The following ADGRL3 variants were observed in gnomAD, a reference collection of about 807,000 sequenced individuals.
The protein encoded by ADGRL3 is calcium-independent alpha-latrotoxin receptor 3.
ADGRL3 carries 62 observed loss-of-function variants against 153.5 expected under a neutral mutation model. The observed-to-expected ratio is 0.40, with a 90% CI of 0.33 to 0.50. The LOEUF (loss-of-function observed/expected upper bound fraction) is 0.50. Among genes scored for constraint, ADGRL3 ranks in the 20% least tolerant of loss-of-function variants. The probability of loss-of-function intolerance (pLI) is 0.47; values close to 1 mark genes in which losing one functional copy is unlikely to be tolerated. For synonymous variants in ADGRL3, 710 were observed against 672.5 expected, an observed-to-expected ratio of 1.06 and a Z score of -0.86; for missense variants, 1,641 against 1,859.4, an observed-to-expected ratio of 0.88 and a Z score of 2.16.
At position 61,814,418 on chromosome 4, in the gene ADGRL3, A is replaced by C. The variant is rs184833317; in HGVS notation, c.1480+529A>C. 3.0e-3 allele frequency among the ~76,000 whole-genome samples: 454 copies of C among 152,232 alleles called. 2 individuals carry two copies. The highest frequency in any genetic ancestry group is 4.4e-3 in the Non-Finnish European group (302 of 68,002). ...CAGTTAAAGATTTTTGTAAATAGTCATACAAAATAAAAATTAAAGGTAACA... is the reference window on the plus strand; with the variant it reads ...CAGTTAAAGATTTTTGTAAATAGTCCTACAAAATAAAAATTAAAGGTAACA... On this transcript the variant is annotated intron_variant, in intron 9 of 26. Transcript: ENST00000683033.
chr4:61,764,585 T>C (rs1197427930), intron 8 of ADGRL3, among the ~76,000 whole-genome samples: 1 of 151,942 alleles, frequency 6.6e-6, no homozygotes, highest in East Asian at 1.9e-4. Context: ...TCAGTTAAGG[T>C]GGGGCAGGGC....
chr4:61,754,191 C>T (rs1580643464), intron 8 of ADGRL3, among the ~76,000 whole-genome samples: 2 of 152,216 alleles, frequency 1.3e-5, no homozygotes, highest in African/African-American at 2.4e-5. Context: ...CAAATATGAC[C>T]TTCCAGTCAA....
At position 61,895,901 on chromosome 4, in the gene ADGRL3, T is replaced by A. The variant is rs1338965458; in HGVS notation, c.1887+67T>A. 3.5e-6 allele frequency: 3 copies of A among 854,168 alleles called. No individual in the cohort carries two copies. In the African/African-American group the frequency reaches 5.3e-5, roughly 15 times the overall value. 52.9% of individuals were successfully genotyped at this position (854,168 alleles called of 1,614,324 possible). Reference sequence around the variant, plus strand: ...ATCATCTGTTGTTGATGATAGCTGTTGGAAAAAAAACAGTCAAGAATTCTT... The same window carrying A: ...ATCATCTGTTGTTGATGATAGCTGTAGGAAAAAAAACAGTCAAGAATTCTT... On this transcript the variant is annotated intron_variant, in intron 11 of 26. Transcript: ENST00000683033.
At chr4:61,488,867 A>T (rs560496131) in intron 2 of ADGRL3, among the ~76,000 whole-genome samples, 32 of 152,048 alleles carry the variant, frequency 2.1e-4, no homozygotes, top group South Asian at 1.7e-3. Context: ...ATTTTCTCCT[A>T]TGTACCATGA....
At chr4:61,485,928 TTTTG>T (rs1371182278) in intron 2 of ADGRL3, among the ~76,000 whole-genome samples, 24 of 147,022 alleles carry the variant, frequency 1.6e-4, no homozygotes, top group Admixed American at 4.7e-4. Flanking sequence ...TTTTTTTTTG[TTTTG>T]TTTGTTTGTT....
chr4:61,734,113 A>C (rs2096478471), intron 8 of ADGRL3, among the ~76,000 whole-genome samples: 1 of 152,328 alleles, frequency 6.6e-6, no homozygotes, highest in South Asian at 2.1e-4. Flanking sequence ...TACAGTAAAA[A>C]TATACCTCAA....
At chr4:61,341,328 A>G (rs1347172828) in intron 1 of ADGRL3, among the ~76,000 whole-genome samples, 1 of 151,986 alleles carries the variant, frequency 6.6e-6, no homozygotes. Context: ...AAACTTTATT[A>G]GTATATTATT....
rs1292768388 is a variant in ADGRL3, at chr4:62,070,729, G to A, written c.4453G>A (p.Glu1485Lys). 1.9e-6 allele frequency: 3 copies of A among 1,551,574 alleles called. No individual in the cohort carries two copies. Among genetic ancestry groups the A allele is most frequent in the Admixed American group, 2.0e-5 (1 of 50,992 alleles). The part of the protein sequence containing the change: ...EPPPAKCGDA[E>K]DVYYKSMPNL... Reference sequence around the variant, plus strand: ...CCCACCGGCCAAATGTGGTGATGCCGAAGATGTTTACTACAAAAGCATGCC... The same window carrying A: ...CCCACCGGCCAAATGTGGTGATGCCAAAGATGTTTACTACAAAAGCATGCC... The change falls in exon 27 of 27, where the codon GAA becomes AAA. Residue 1485 changes from glutamate (E) to lysine (K), a missense_variant. This residue lies in a region of ADGRL3 where 517 missense variants were observed against 555.0 expected (regional missense o/e 0.93). Transcript: ENST00000683033.
chr4:61,668,312 C>A (rs1294899501), intron 5 of ADGRL3, among the ~76,000 whole-genome samples: 1 of 152,130 alleles, frequency 6.6e-6, no homozygotes, highest in Non-Finnish European at 1.5e-5. Context: ...ACAGATTTTC[C>A]CCAAAGCTTC....
intron 9 of ADGRL3, among the ~76,000 whole-genome samples, chr4:61,862,407 G>A (rs1402730870): frequency 1.3e-5 from 2 of 152,316 alleles, no homozygotes; most frequent in East Asian, 1.9e-4. Flanking sequence ...TGTTTCAGCC[G>A]GCATGGCCCA....
chr4:61,298,085 C>T (rs2094469843), intron 1 of ADGRL3, among the ~76,000 whole-genome samples: 1 of 152,044 alleles, frequency 6.6e-6, no homozygotes, highest in Non-Finnish European at 1.5e-5. Flanking sequence ...ATATAACATT[C>T]AGGAATTTTA....
chr4:61,500,329 G>C (rs1167147524), intron 3 of ADGRL3, among the ~76,000 whole-genome samples: 3 of 152,078 alleles, frequency 2.0e-5, no homozygotes, highest in Non-Finnish European at 2.9e-5. Context: ...CCTTCTTTAA[G>C]AAGGCTTTTT....
chr4:61,893,707 G>C (rs908156681), intron 10 of ADGRL3, among the ~76,000 whole-genome samples: 23 of 109,288 alleles, frequency 2.1e-4, no homozygotes, highest in Non-Finnish European at 2.7e-4. Flanking sequence ...ATATTTCTTT[G>C]CCTTTTTTTT....
intron 21 of ADGRL3, among the ~76,000 whole-genome samples, chr4:62,005,961 T>TAC (rs1242911317): frequency 2.4e-5 from 2 of 82,704 alleles, no homozygotes; most frequent in African/African-American, 8.2e-5. Flanking sequence ...TACATATATA[T>TAC]ACACATACAC....
chr4:61,517,694 C>T (rs1201412041), intron 4 of ADGRL3, among the ~76,000 whole-genome samples, 176 bp downstream of exon 4: 1 of 152,088 alleles, frequency 6.6e-6, no homozygotes, highest in Non-Finnish European at 1.5e-5. Flanking sequence ...AAGGCTTATA[C>T]AATGCATGCC....
intron 1 of ADGRL3, among the ~76,000 whole-genome samples, chr4:61,294,909 A>T (rs1308894333): frequency 1.5e-4 from 20 of 132,516 alleles, no homozygotes; most frequent in African/African-American, 5.1e-4. Flanking sequence ...ACACTCACAC[A>T]CACACACACA....
intron 5 of ADGRL3, among the ~76,000 whole-genome samples, chr4:61,640,933 A>C (rs2093638848): frequency 6.6e-6 from 1 of 152,224 alleles, no homozygotes; most frequent in Non-Finnish European, 1.5e-5. Flanking sequence ...GTTGGATTCA[A>C]CAATACATTT....
chr4:61,849,951 G>A (rs2098181585), intron 9 of ADGRL3, among the ~76,000 whole-genome samples: 1 of 152,078 alleles, frequency 6.6e-6, no homozygotes, highest in East Asian at 1.9e-4. Context: ...ATATTCACTT[G>A]AATTATGACA....
intron 3 of ADGRL3, among the ~76,000 whole-genome samples, chr4:61,509,209 C>A (rs1264068350): frequency 1.3e-5 from 2 of 148,326 alleles, no homozygotes; most frequent in East Asian, 4.1e-4. Flanking sequence ...CTCACTGCAA[C>A]CTCCGCCTCC....
Sources: gnomAD v4.1 joint callset for allele counts (sites outside exome capture counted in the v4.1 genomes callset) on GRCh38, gnomAD v4.1.1 for gene constraint, gnomAD v4.1.1 regional missense constraint, MANE v1.5 for transcripts, NCBI Gene and HGNC (gene_info 2026-07-23, HGNC 2026-07-21) for gene names.